Variants in GRIN3A observed in about 807,000 individuals in gnomAD.
GRIN3A encodes glutamate receptor ionotropic, NMDA 3A.
In GRIN3A, 47 loss-of-function variants were observed where a neutral mutation model predicts 92.4. The observed-to-expected ratio is 0.51, with a 90% CI of 0.40 to 0.65. GRIN3A has a LOEUF of 0.65. GRIN3A is among the 30% of genes least tolerant of loss of function. The pLI, the probability that GRIN3A is intolerant of heterozygous loss-of-function variation, is 0.00. For missense variants in GRIN3A, 1,324 were observed against 1,393.1 expected (o/e 0.95, Z 0.79); for synonymous variants, 527 against 540.6 (o/e 0.97, Z 0.35).
chr9:101,725,698 C>T (rs540124319), intron 1 of GRIN3A, among the ~76,000 whole-genome samples: 2 of 152,230 alleles, frequency 1.3e-5, no homozygotes, highest in South Asian at 2.1e-4. Flanking sequence ...GAAACAGTGC[C>T]CACTAAAAAT....
intron 5 of GRIN3A, among the ~76,000 whole-genome samples, chr9:101,615,545 A>G (rs1275497517): frequency 1.3e-5 from 2 of 149,386 alleles, no homozygotes; most frequent in South Asian, 2.1e-4. Context: ...TTTAGTAGAG[A>G]TGGGGTTTCA....
intron 1 of GRIN3A, among the ~76,000 whole-genome samples, chr9:101,713,197 C>A (rs565797889): frequency 2.0e-5 from 3 of 152,098 alleles, no homozygotes; most frequent in Non-Finnish European, 4.4e-5. Flanking sequence ...CCCTGATGAA[C>A]ATTTTTATTA....
At chr9:101,732,037 C>T (rs375230546) in intron 1 of GRIN3A, among the ~76,000 whole-genome samples, 8 of 152,122 alleles carry the variant, frequency 5.3e-5, no homozygotes, top group African/African-American at 1.9e-4. Flanking sequence ...TGGCAATAGC[C>T]AGAGCTAGCA....
intron 6 of GRIN3A, among the ~76,000 whole-genome samples, chr9:101,610,765 G>T (rs1156636786): frequency 6.6e-6 from 1 of 152,174 alleles, no homozygotes; most frequent in Non-Finnish European, 1.5e-5. Flanking sequence ...CTGAGCAAGT[G>T]TCAGAGGATG....
At chr9:101,691,196 C>G (rs1829612721) in intron 1 of GRIN3A, among the ~76,000 whole-genome samples, 1 of 152,110 alleles carries the variant, frequency 6.6e-6, no homozygotes, top group Admixed American at 6.6e-5. Context: ...TTACTGAACA[C>G]TTATTCAATC....
chr9:101,605,263 A>C (rs1240461799), intron 6 of GRIN3A, among the ~76,000 whole-genome samples: 1 of 152,352 alleles, frequency 6.6e-6, no homozygotes, highest in East Asian at 1.9e-4. Flanking sequence ...GTCAGGACAA[A>C]TATGATTAAC....
intron 6 of GRIN3A, among the ~76,000 whole-genome samples, chr9:101,604,821 C>T (rs890107465): frequency 2.0e-5 from 3 of 152,214 alleles, no homozygotes; most frequent in Non-Finnish European, 2.9e-5. Flanking sequence ...TGAAGCTTCT[C>T]AATGTGACTT....
chr9:101,679,735 C>T (rs1829444242), intron 2 of GRIN3A, among the ~76,000 whole-genome samples: 1 of 152,110 alleles, frequency 6.6e-6, no homozygotes, highest in Non-Finnish European at 1.5e-5. Context: ...CTGGATCAGC[C>T]ATAAGCAATG....
chr9:101,630,909 G>C (rs1330228837), intron 3 of GRIN3A, among the ~76,000 whole-genome samples: 1 of 152,128 alleles, frequency 6.6e-6, no homozygotes. Context: ...ATATCTGTTT[G>C]TCAAGTTAAT....
At chr9:101,724,547 G>C (rs955436554) in intron 1 of GRIN3A, among the ~76,000 whole-genome samples, 1 of 152,182 alleles carries the variant, frequency 6.6e-6, no homozygotes, top group Admixed American at 6.5e-5. Context: ...AGCCCAGAAA[G>C]GGGCTCCCAC....
At chr9:101,720,079 C>A (rs1829993259) in intron 1 of GRIN3A, among the ~76,000 whole-genome samples, 1 of 152,030 alleles carries the variant, frequency 6.6e-6, no homozygotes, top group African/African-American at 2.4e-5. Context: ...TTTTTTCCTC[C>A]CCTTCCAGCT....
chr9:101,701,218 C>G (rs1241209333), intron 1 of GRIN3A, among the ~76,000 whole-genome samples: 5 of 152,112 alleles, frequency 3.3e-5, no homozygotes, highest in African/African-American at 1.2e-4. Context: ...TTCTTTCTTT[C>G]TTTTAACTTT....
rs28592001 is a variant in GRIN3A, at chr9:101,624,794, G to C, written c.2499-1361C>G. 9.2e-3 allele frequency among the ~76,000 whole-genome samples: 1,396 copies of C among 152,196 alleles called. 27 individuals are homozygous for C. Among genetic ancestry groups the C allele is most frequent in the African/African-American group, 0.032 (1,338 of 41,518 alleles). The stretch of plus-strand genomic sequence containing the variant: ...TTCTAGTTCTAGATCCCTGAGGAAT[G>C]GCCACACTGACTTCCACAATGGTTG... On this transcript the variant is annotated intron_variant, in intron 4 of 8. Coordinates refer to ENST00000361820, the MANE Select transcript of GRIN3A (RefSeq NM_133445.3).
At chr9:101,695,805 T>C (rs1411102731) in intron 1 of GRIN3A, among the ~76,000 whole-genome samples, 2 of 152,162 alleles carry the variant, frequency 1.3e-5, no homozygotes, top group African/African-American at 4.8e-5. Flanking sequence ...CAGACCATAA[T>C]GTGCTCAGAG....
intron 1 of GRIN3A, among the ~76,000 whole-genome samples, chr9:101,716,940 A>AGCTG (rs1305639811): frequency 2.0e-5 from 3 of 152,182 alleles, no homozygotes; most frequent in African/African-American, 7.2e-5. Flanking sequence ...GCTGAGTAGT[A>AGCTG]GCTGGCTGGC....
chr9:101,670,388 C>A lies in GRIN3A; in HGVS notation c.2024G>T (p.Trp675Leu). ...PIGAFMWPLH[W>L]TMWLGIFVAL... is the part of the protein sequence containing the mutation. ...CACAAAAATCCCCAGCCACATTGTCCAGTGGAGTGGCCACATGAAGGCTCC... is the reference window on the plus strand; with the variant it reads ...CACAAAAATCCCCAGCCACATTGTCAAGTGGAGTGGCCACATGAAGGCTCC... Residue 675 changes from tryptophan (W) to leucine (L), a missense_variant, in exon 3 of 9, where the codon TGG becomes TTG. Physicochemically the swap from Trp to Leu is moderately conservative, Grantham distance 61. Transcript: ENST00000361820. The A allele has an allele frequency of 6.2e-7, 1 of 1,614,008 alleles. No homozygotes were observed. The highest frequency in any genetic ancestry group is 8.5e-7 in the Non-Finnish European group (1 of 1,179,952).
intron 1 of GRIN3A, among the ~76,000 whole-genome samples, chr9:101,708,324 G>A (rs1488713585): frequency 1.3e-5 from 2 of 152,126 alleles, no homozygotes; most frequent in African/African-American, 4.8e-5. Context: ...CAGTGTTGAG[G>A]AGACTGGAAT....
At chr9:101,610,213 A>T (rs2118841078) in intron 6 of GRIN3A, among the ~76,000 whole-genome samples, 1 of 152,308 alleles carries the variant, frequency 6.6e-6, no homozygotes, top group South Asian at 2.1e-4. Context: ...TAAAGATAAA[A>T]ATGTCTACCT....
rs1197684843 is a variant in GRIN3A at position 101,737,916 on chromosome 9, C to A, written c.64G>T (p.Ala22Ser). 4.6e-6 allele frequency: 7 copies of A among 1,536,346 alleles called. No individual in the cohort carries two copies. In the South Asian group the frequency reaches 8.3e-5, roughly 18 times the overall value. The change falls in exon 1 of 9, where the codon GCA (alanine) becomes TCA (serine). Residue 22 changes from alanine (A) to serine (S), a missense_variant. Coordinates refer to ENST00000361820, the MANE Select transcript of GRIN3A (RefSeq NM_133445.3). ...CTGGGCACCCCGGCCAGCACCAGTG[C>A]GCAGGGCGGCGGCAACAGCAGACAG... ...RVCLLLPPPC[A>S]LVLAGVPSSS...
Sources: allele counts gnomAD v4.1 joint callset (sites outside exome capture counted in the v4.1 genomes callset), GRCh38; gene constraint gnomAD v4.1.1; transcripts MANE v1.5; gene names NCBI Gene and HGNC (gene_info 2026-07-23, HGNC 2026-07-21).